The following FARS2 variants were observed in gnomAD, a reference collection of about 807,000 sequenced individuals.
The protein encoded by FARS2 is phenylalanyl-tRNA synthetase 2, mitochondrial, also known as phenylalanine--tRNA ligase, mitochondrial.
In FARS2, 40 loss-of-function variants were observed where a neutral mutation model predicts 46.4. The ratio of observed to expected loss-of-function variants is 0.86; its 90% confidence interval spans 0.67 to 1.12. The LOEUF is 1.12. Among genes scored for constraint, FARS2 ranks in the 50% most tolerant of loss-of-function variants. The pLI is 0.00. For missense variants in FARS2, 513 were observed against 567.9 expected, an observed-to-expected ratio of 0.90 and a Z score of 0.98; for synonymous variants, 234 against 214.9, an observed-to-expected ratio of 1.09 and a Z score of -0.78.
At position 5,421,715 on chromosome 6, in the gene FARS2, A is replaced by G. The variant is rs192072104; in HGVS notation, c.773-9326A>G. Among the ~76,000 whole-genome samples, 296 of 152,330 alleles carry G rather than the reference A, an allele frequency of 1.9e-3. 1 individual carries two copies. The highest frequency in any genetic ancestry group is 3.0e-3 in the Non-Finnish European group (204 of 68,028). On this transcript the variant is annotated intron_variant, in intron 3 of 6. Coordinates refer to ENST00000274680, the MANE Select transcript of FARS2 (RefSeq NM_006567.5). Reference sequence around the variant, plus strand: ...CAAAATGCTGCCAGTCTCTTTGCTAAAACATAACAAAAGTTACTTTGCTCC... The same window carrying G: ...CAAAATGCTGCCAGTCTCTTTGCTAGAACATAACAAAAGTTACTTTGCTCC...
chr6:5,577,189 A>G (rs751544298), intron 5 of FARS2, among the ~76,000 whole-genome samples: 9 of 152,216 alleles, frequency 5.9e-5, no homozygotes, highest in Non-Finnish European at 1.3e-4. Flanking sequence ...AAGAGTAAAT[A>G]TATTGAAAAT....
intron 1 of FARS2, among the ~76,000 whole-genome samples, chr6:5,337,702 A>G (rs1280894059): frequency 1.3e-5 from 2 of 152,226 alleles, no homozygotes; most frequent in Non-Finnish European, 2.9e-5. Context: ...TCACTTGAGC[A>G]TTCAGGATAT....
intron 4 of FARS2, among the ~76,000 whole-genome samples, chr6:5,473,363 A>G (rs1292286380): frequency 6.6e-6 from 1 of 151,990 alleles, no homozygotes; most frequent in African/African-American, 2.4e-5. Context: ...CGTCTCTACT[A>G]AAAATACAAA....
chr6:5,511,522 C>T (rs1046573623), intron 4 of FARS2, among the ~76,000 whole-genome samples: 1 of 151,982 alleles, frequency 6.6e-6, no homozygotes, highest in Admixed American at 6.6e-5. Context: ...GAAATAATAC[C>T]CTGCGCACAA....
At chr6:5,625,326 G>A (rs1304780307) in intron 6 of FARS2, among the ~76,000 whole-genome samples, 1 of 152,172 alleles carries the variant, frequency 6.6e-6, no homozygotes, top group Non-Finnish European at 1.5e-5. Flanking sequence ...GAAACAAGCT[G>A]GGCTCCAGGA....
At chr6:5,770,140 A>G (rs892683093) in intron 6 of FARS2, among the ~76,000 whole-genome samples, 1 of 152,208 alleles carries the variant, frequency 6.6e-6, no homozygotes, top group Non-Finnish European at 1.5e-5. Flanking sequence ...CTCTGGACTC[A>G]GGTGGCATCA....
At chr6:5,719,396 T>TAAAA (rs55695285) in intron 6 of FARS2, among the ~76,000 whole-genome samples, 64 of 123,036 alleles carry the variant, frequency 5.2e-4, no homozygotes, top group East Asian at 6.9e-4. Flanking sequence ...CAAAAAAAAT[T>TAAAA]AAAAAAAAAA....
intron 4 of FARS2, among the ~76,000 whole-genome samples, chr6:5,541,440 C>A (rs1770627880): frequency 6.6e-6 from 1 of 152,170 alleles, no homozygotes; most frequent in African/African-American, 2.4e-5. Context: ...GAGAAAATTT[C>A]CATCTCCTGG....
intron 2 of FARS2, among the ~76,000 whole-genome samples, chr6:5,401,766 T>C (rs1761269085): frequency 6.6e-6 from 1 of 152,098 alleles, no homozygotes; most frequent in Non-Finnish European, 1.5e-5. Flanking sequence ...AAAAACTGAG[T>C]TGTTTGAAAA....
At chr6:5,467,097 A>C in intron 4 of FARS2, 1 of 985,014 alleles carries the variant, frequency 1.0e-6, no homozygotes, top group Non-Finnish European at 1.2e-6. Context: ...TTCCCGATTT[A>C]TTGGTTGTTG....
At chr6:5,538,427 T>C (rs12206230) in intron 4 of FARS2, among the ~76,000 whole-genome samples, 33,161 of 152,048 alleles carry the variant, frequency 0.22, 4,942 homozygotes, top group Non-Finnish European at 0.32. Context: ...CAAAGAGAAA[T>C]GTACCCTGAA....
At chr6:5,607,868 A>T (rs1250400686) in intron 5 of FARS2, among the ~76,000 whole-genome samples, 1 of 152,164 alleles carries the variant, frequency 6.6e-6, no homozygotes, top group African/African-American at 2.4e-5. Context: ...AAGAAAGGAT[A>T]TAGAAGATTA....
At chr6:5,709,304 G>C (rs2150898510) in intron 6 of FARS2, among the ~76,000 whole-genome samples, 1 of 152,274 alleles carries the variant, frequency 6.6e-6, no homozygotes. Flanking sequence ...GGAGGGCAGT[G>C]CCTCTCCTTG....
intron 6 of FARS2, among the ~76,000 whole-genome samples, chr6:5,748,834 A>T (rs1025488616): frequency 6.6e-6 from 1 of 152,244 alleles, no homozygotes; most frequent in Non-Finnish European, 1.5e-5. Context: ...TAATTTGTAT[A>T]TGTGAGCCTG....
chr6:5,703,915 T>A (rs1417176694), intron 6 of FARS2, among the ~76,000 whole-genome samples: 1 of 152,086 alleles, frequency 6.6e-6, no homozygotes, highest in Non-Finnish European at 1.5e-5. Flanking sequence ...GGCTTGTGCC[T>A]CCTAAACTGT....
intron 6 of FARS2, among the ~76,000 whole-genome samples, chr6:5,707,043 C>T (rs1342885975): frequency 6.6e-6 from 1 of 152,206 alleles, no homozygotes; most frequent in African/African-American, 2.4e-5. Context: ...AACCTGTAAG[C>T]ACTTGCTTGC....
chr6:5,704,384 A>G (rs1258112699), intron 6 of FARS2, among the ~76,000 whole-genome samples: 1 of 152,162 alleles, frequency 6.6e-6, no homozygotes, highest in East Asian at 1.9e-4. Context: ...TCCTCAGACC[A>G]TCATCTTGGG....
chr6:5,401,262 T>C (rs1326099630), intron 2 of FARS2, among the ~76,000 whole-genome samples: 1 of 152,274 alleles, frequency 6.6e-6, no homozygotes, highest in East Asian at 1.9e-4. Flanking sequence ...TGTTTTATTA[T>C]GCTTTTGAAT....
At chr6:5,479,535 C>T (rs552641788) in intron 4 of FARS2, among the ~76,000 whole-genome samples, 1 of 152,316 alleles carries the variant, frequency 6.6e-6, no homozygotes, top group African/African-American at 2.4e-5. Flanking sequence ...TTCTAATACA[C>T]AGTTGTTTAT....
Sources: gnomAD v4.1 joint callset for allele counts (sites outside exome capture counted in the v4.1 genomes callset) on GRCh38, gnomAD v4.1.1 for gene constraint, MANE v1.5 for transcripts, NCBI Gene and HGNC (gene_info 2026-07-23, HGNC 2026-07-21) for gene names.